HPS5: variants seen among roughly 807,000 people sequenced by gnomAD.
HPS5 encodes the protein HPS5 biogenesis of lysosomal organelles complex 2 subunit 2.
HPS5 carries 83 observed loss-of-function variants against 128.0 expected under a neutral mutation model. The ratio of observed to expected loss-of-function variants is 0.65; its 90% confidence interval spans 0.54 to 0.78. The LOEUF is 0.78. Ranked by LOEUF, HPS5 falls within the 30% of genes least tolerant of loss-of-function variation. HPS5 has a pLI of 0.00. For missense variants in HPS5, 1,281 were observed against 1,326.2 expected (o/e 0.97, Z 0.53); for synonymous variants, 475 against 470.2 (o/e 1.01, Z -0.13).
chr11:18,311,511 A>ATTTT (rs11376847), intron 3 of HPS5, 60 bp from the exon 4 acceptor site: 7,042 of 529,088 alleles, frequency 0.013, 17 homozygotes, highest in East Asian at 0.031. Flanking sequence ...TATTATTATT[A>ATTTT]TTTTTTTTTT....
chr11:18,315,728 ACAGACCGGGAGTCATCATCATGCC>A (rs1215440647), intron 2 of HPS5, among the ~76,000 whole-genome samples: 1 of 152,176 alleles, frequency 6.6e-6, no homozygotes, highest in Non-Finnish European at 1.5e-5. Context: ...GGAAAAATCA[ACAGACCGGGAGTCATCATCATGCC>A]CAGATAGACT....
In HPS5 at chr11:18,286,708, G is replaced by T. The variant is rs375162837; in HGVS notation, c.2720C>A (p.Ser907Ter). ...LVKSRPEDQR[S>*]SFLESLLQPE... The stretch of plus-strand genomic sequence containing the variant: ...TTGCAGAAGGGACTCAAGAAAAGAT[G>T]ACCTAAGAGAAAGTTGGGGAAAAAA... The change falls in exon 19 of 23, where the codon TCA becomes TAA. Residue 907 changes from serine to a stop codon, truncating the protein, a stop_gained and splice_region_variant. Coordinates refer to ENST00000349215, the MANE Select transcript of HPS5 (RefSeq NM_181507.2). LOFTEE classifies it high-confidence loss of function. 6.2e-7 allele frequency: 1 copy of T among 1,613,708 alleles called. No homozygotes were observed. Among genetic ancestry groups the T allele is most frequent in the Non-Finnish European group, 8.5e-7 (1 of 1,179,918 alleles).
rs1862695452 is a variant in HPS5 at position 18,309,215 on chromosome 11, T to C, written c.478-136A>G. On this transcript the variant is annotated intron_variant, in intron 5 of 22. Coordinates refer to ENST00000349215, the MANE Select transcript of HPS5 (RefSeq NM_181507.2). ...TCAAATAAGCCAAAACTTAATTTGCTTGTAAGGATATCAAAGTTTTAGTCA... is the reference window on the plus strand; with the variant it reads ...TCAAATAAGCCAAAACTTAATTTGCCTGTAAGGATATCAAAGTTTTAGTCA... 2.2e-5 allele frequency: 18 copies of C among 822,552 alleles called. No individual in the cohort carries two copies. In the South Asian group the frequency reaches 2.9e-4, roughly 13 times the overall value. 51.0% of individuals were successfully genotyped at this position (822,552 alleles called of 1,614,324 possible). A position where few individuals can be genotyped will look rare whatever the true frequency, so the allele number is the denominator to read the frequency against.
intron 20 of HPS5, among the ~76,000 whole-genome samples, chr11:18,284,113 C>T (rs373381678): frequency 2.5e-4 from 37 of 150,938 alleles, no homozygotes; most frequent in Admixed American, 9.2e-4. Context: ...TTGGACAGTT[C>T]AGTAGAATAT....
At chr11:18,285,082 C>G (rs191987104) in intron 20 of HPS5, among the ~76,000 whole-genome samples, 1 of 150,778 alleles carries the variant, frequency 6.6e-6, no homozygotes, top group Admixed American at 6.6e-5. Context: ...TATCTACATG[C>G]CTGAGAACTG....
At chr11:18,288,558 C>T (rs950517112) in intron 16 of HPS5, among the ~76,000 whole-genome samples, 1 of 151,572 alleles carries the variant, frequency 6.6e-6, no homozygotes, top group African/African-American at 2.4e-5. Context: ...AAAATCAAGT[C>T]TGGTGAAAGG....
At chr11:18,309,727 G>A (rs780059340) in intron 5 of HPS5, among the ~76,000 whole-genome samples, 7 of 152,180 alleles carry the variant, frequency 4.6e-5, no homozygotes, top group African/African-American at 9.7e-5. Context: ...ATAGCCAGGC[G>A]CAGTGGCTCA....
rs1316652955 is a variant in HPS5 at position 18,286,680 on chromosome 11, T to A, written c.2748A>T (p.Pro916=). Residue 916 remains proline, a synonymous_variant, in exon 19 of 23, where the codon CCA becomes CCT. Coordinates refer to ENST00000349215, the MANE Select transcript of HPS5 (RefSeq NM_181507.2). Reference sequence around the variant, plus strand: ...GCAGCCAATCCAACCTTAAAGACTCTGGTTGCAGAAGGGACTCAAGAAAAG... The same window carrying A: ...GCAGCCAATCCAACCTTAAAGACTCAGGTTGCAGAAGGGACTCAAGAAAAG... ...RSSFLESLLQ[P]ESLRLDWLLL... The A allele has an allele frequency of 6.2e-7, 1 of 1,614,026 alleles. No homozygotes were observed.
chr11:18,301,474 A>G (rs1007463075), intron 8 of HPS5, among the ~76,000 whole-genome samples: 70 of 151,062 alleles, frequency 4.6e-4, no homozygotes, highest in African/African-American at 6.6e-4. Context: ...AAAAAAAAAA[A>G]AAAGAAAGAA....
At chr11:18,297,502 C>A in intron 11 of HPS5, 57 bp downstream of exon 11, 1 of 1,531,480 alleles carries the variant, frequency 6.5e-7, no homozygotes, top group Non-Finnish European at 9.0e-7. Context: ...TAAATAAGAA[C>A]AACCGAAGAT....
Position 18,279,580 on chromosome 11 carries a change from G to A in HPS5, c.*302C>T, listed in dbSNP as rs1858606898. ...CCACTAGCAACAAGCAGTTAATACT[G>A]TAGTTCGGAATAATACTAGGACATT... On this transcript the variant is annotated 3_prime_UTR_variant, in exon 23 of 23. Coordinates refer to ENST00000349215, the MANE Select transcript of HPS5 (RefSeq NM_181507.2). 4.8e-6 allele frequency: 2 copies of A among 416,966 alleles called. No homozygotes were observed. Among genetic ancestry groups the A allele is most frequent in the South Asian group, 4.8e-5 (2 of 41,310 alleles). 25.8% of individuals were successfully genotyped at this position (416,966 alleles called of 1,614,324 possible). A position where few individuals can be genotyped will look rare whatever the true frequency, so the allele number is the denominator to read the frequency against.
rs763231180 is a variant in HPS5 at position 18,278,767 on chromosome 11, T to A, written c.*1115A>T. On this transcript the variant is annotated 3_prime_UTR_variant, in exon 23 of 23. Coordinates refer to ENST00000349215, the MANE Select transcript of HPS5 (RefSeq NM_181507.2). ...CTACATTGTGTTCCAATGAAAACTT[T>A]AGTCATATTTTACATTTATTATTAA... 7.2e-5 allele frequency: 11 copies of A among 152,398 alleles called. No individual in the cohort carries two copies. Among genetic ancestry groups the A allele is most frequent in the Non-Finnish European group, 1.5e-4 (10 of 68,050 alleles). 9.4% of individuals were successfully genotyped at this position (152,398 alleles called of 1,614,324 possible).
chr11:18,310,662 T>G, intron 5 of HPS5, 79 bp downstream of exon 5: 1 of 1,179,304 alleles, frequency 8.5e-7, no homozygotes, highest in Non-Finnish European at 1.2e-6. Context: ...GTAGATAAAA[T>G]CACATCCTTT....
At chr11:18,289,930 G>GC (rs1313845764) in intron 16 of HPS5, among the ~76,000 whole-genome samples, 2 of 152,216 alleles carry the variant, frequency 1.3e-5, no homozygotes, top group African/African-American at 4.8e-5. Context: ...TGCGGGCTAT[G>GC]CACCAAAGTC....
intron 8 of HPS5, among the ~76,000 whole-genome samples, chr11:18,302,550 T>A (rs11024610): frequency 6.6e-6 from 1 of 152,052 alleles, no homozygotes; most frequent in Non-Finnish European, 1.5e-5. Context: ...CATATCTCTC[T>A]AATAAATTAT....
chr11:18,314,709 T>A (rs1450954995), intron 2 of HPS5, among the ~76,000 whole-genome samples: 1 of 152,148 alleles, frequency 6.6e-6, no homozygotes, highest in Non-Finnish European at 1.5e-5. Flanking sequence ...TGGGTTTTTT[T>A]ATTCCTTTTG....
At chr11:18,320,471 T>G (rs1864191405) in intron 1 of HPS5, among the ~76,000 whole-genome samples, 2 of 152,194 alleles carry the variant, frequency 1.3e-5, no homozygotes. Flanking sequence ...GGCTCACTAT[T>G]ATAAGGTTCT....
intron 5 of HPS5, 51 bp downstream of exon 5, chr11:18,310,690 G>A: frequency 2.2e-6 from 3 of 1,385,812 alleles, no homozygotes; most frequent in Non-Finnish European, 3.0e-6. Context: ...AGTTTTATAA[G>A]ACAACACCTT....
At position 18,322,112 on chromosome 11, in the gene HPS5, G is replaced by T. The variant is rs1864447801; in HGVS notation, c.-216C>A. On this transcript the variant is annotated 5_prime_UTR_variant, in exon 1 of 23. Transcript: ENST00000349215. ...TCAGTAGATCGGATCTTGTCTCCCG[G>T]CTTAGCGCCGGGGAACTCACCGCGC... 6.6e-6 allele frequency: 1 copy of T among 152,334 alleles called. No individual in the cohort carries two copies. Among genetic ancestry groups the T allele is most frequent in the Non-Finnish European group, 1.5e-5 (1 of 68,114 alleles). 9.4% of individuals were successfully genotyped at this position (152,334 alleles called of 1,614,324 possible).
Sources: allele counts gnomAD v4.1 joint callset (sites outside exome capture counted in the v4.1 genomes callset), GRCh38; gene constraint gnomAD v4.1.1; transcripts MANE v1.5; gene names NCBI Gene and HGNC (gene_info 2026-07-23, HGNC 2026-07-21).